Variants in ASPDH observed in about 807,000 individuals in gnomAD.
ASPDH encodes aspartate dehydrogenase domain-containing protein.
ASPDH carries 25 observed loss-of-function variants against 30.5 expected under a neutral mutation model. That is an observed-to-expected ratio of 0.82 (90% CI 0.60 to 1.14). The LOEUF (loss-of-function observed/expected upper bound fraction) is 1.14, where lower values mean the gene tolerates loss of function less well. ASPDH is among the 50% of genes most tolerant of loss of function. ASPDH has a pLI of 0.00. For missense variants in ASPDH, 401 were observed against 381.5 expected (o/e 1.05, Z -0.43); for synonymous variants, 168 against 156.3 (o/e 1.07, Z -0.56).
upstream of ASPDH, chr19:50,514,540 C>G: frequency 6.2e-7 from 1 of 1,614,056 alleles, no homozygotes; most frequent in Non-Finnish European, 8.5e-7. Context: ...GTGTGACGTT[C>G]TCGCTCCCAC....
upstream of ASPDH, chr19:50,514,567 C>G (rs76503780): frequency 2.2e-5 from 36 of 1,613,404 alleles, 1 homozygote; most frequent in East Asian, 7.8e-4. Flanking sequence ...CCCTCCCGTT[C>G]CCCAGCTCGC....
rs12977172 is a variant in ASPDH, at chr19:50,512,147, T to A, written c.797A>T (p.Gln266Leu). 8 of 1,559,040 alleles carry A rather than the reference T, an allele frequency of 5.1e-6. No individual in the cohort carries two copies. Among genetic ancestry groups the A allele is most frequent in the Non-Finnish European group, 6.0e-6 (7 of 1,158,164 alleles). ...TGSATVTAFW[Q>L]SLLACCQLPS... ...GGGCCTGGCCGCACCCAGGAGGCTCTGCCAGAAGGCCGTGACGGTGGCGGA... is the reference window on the plus strand; with the variant it reads ...GGGCCTGGCCGCACCCAGGAGGCTCAGCCAGAAGGCCGTGACGGTGGCGGA... The change falls in exon 6 of 7, where the codon CAG becomes CTG. Residue 266 changes from glutamine to leucine, a missense_variant. Coordinates refer to ENST00000389208, the MANE Select transcript of ASPDH (RefSeq NM_001114598.2).
rs2122737336 is a variant in ASPDH, at chr19:50,513,842, T to C, written c.-19A>G. ...CGGCCATGGCCCTGAGTGCGGTGTC[T>C]GGGGCCTGGCTCCCTGGGCTGCTCG... On this transcript the variant is annotated 5_prime_UTR_variant, in exon 1 of 7. Transcript: ENST00000389208. This position sits in a 1 kb window ranked among gnomAD's most constrained non-coding sequence, Gnocchi z 4.9. The C allele has an allele frequency of 1.3e-6, 2 of 1,548,748 alleles. No homozygotes were observed. Among genetic ancestry groups the C allele is most frequent in the Non-Finnish European group, 1.7e-6 (2 of 1,146,184 alleles).
In ASPDH at chr19:50,513,427, G is replaced by A. The variant is rs1276487368; in HGVS notation, c.53-11C>T. The A allele has an allele frequency of 1.1e-5, 16 of 1,473,894 alleles. No individual in the cohort carries two copies. The highest frequency in any genetic ancestry group is 1.3e-5 in the Non-Finnish European group (14 of 1,111,414). The allele number at this position is 1,473,894 out of a possible 1,614,324, so 91.3% of individuals were successfully genotyped here. A position where few individuals can be genotyped will look rare whatever the true frequency, so the allele number is the denominator to read the frequency against. Reference sequence around the variant, plus strand: ...AGACGAGGGACTGTCCTGGGGAGAGGGAAAGGAGAGGGCTAGAGATCCAGA... The same window carrying A: ...AGACGAGGGACTGTCCTGGGGAGAGAGAAAGGAGAGGGCTAGAGATCCAGA... On this transcript the variant is annotated splice_polypyrimidine_tract_variant and intron_variant, in intron 1 of 6. Transcript: ENST00000389208. The surrounding 1 kb of genome is among the most constrained non-coding windows in gnomAD (Gnocchi z 4.9).
rs1980054661 is a variant in ASPDH, at chr19:50,513,038, G to A, written c.198-27C>T. The A allele has an allele frequency of 6.3e-7, 1 of 1,580,042 alleles. No individual in the cohort carries two copies. Among genetic ancestry groups the A allele is most frequent in the Non-Finnish European group, 8.7e-7 (1 of 1,154,190 alleles). ...TGGGAGAGGGGAAAGAGGGCGGAGG[G>A]TCTTGGAGAGGTATTAGGCCTCTTC... On this transcript the variant is annotated intron_variant, in intron 2 of 6. Coordinates refer to ENST00000389208, the MANE Select transcript of ASPDH (RefSeq NM_001114598.2). This position sits in a 1 kb window ranked among gnomAD's most constrained non-coding sequence, Gnocchi z 4.9.
At position 50,512,664 on chromosome 19, in the gene ASPDH, G is replaced by A. The variant is rs776257480; in HGVS notation, c.429C>T (p.Leu143=). ...DIRRLDAAGG[L]RSLRVTMATH... ...TGGGGAGCCCAGCAGGCCTCACCCG[G>A]AGGCCCCCAGCTGCATCCAATCTCC... The change falls in exon 4 of 7, where the codon CTC becomes CTT. Residue 143 remains leucine, a synonymous_variant. Transcript: ENST00000389208. 5 of 1,537,802 alleles carry A rather than the reference G, an allele frequency of 3.3e-6. No homozygotes were observed. The highest frequency in any genetic ancestry group is 4.4e-6 in the Non-Finnish European group (5 of 1,141,506).
chr19:50,514,805 T>TGGGG, upstream of ASPDH: 4 of 311,154 alleles, frequency 1.3e-5, no homozygotes, highest in South Asian at 6.6e-5. Context: ...GAGCATGGGG[T>TGGGG]GGGGGGGGCG....
At chr19:50,513,978 T>C, upstream of ASPDH, 1 of 896,394 alleles carries the variant, frequency 1.1e-6, no homozygotes, top group Non-Finnish European at 1.7e-6. This position sits in a 1 kb window ranked among gnomAD's most constrained non-coding sequence, Gnocchi z 4.9. Context: ...GGCGTGGGCC[T>C]GCGGGAGTGG....
At position 50,512,732 on chromosome 19, in the gene ASPDH, C is replaced by T. The variant is rs1315699093; in HGVS notation, c.361G>A (p.Val121Met). ...CACAGGGCCCCTCGGGCCACAAACA[C>T]GGCGTGGTCCCAGTGCTGTGAGGCC... ...LEASQHWDHA[V>M]FVARGALWGA... The change falls in exon 4 of 7, where the codon GTG (valine) becomes ATG (methionine). Residue 121 changes from valine (V) to methionine (M), a missense_variant. Coordinates refer to ENST00000389208, the MANE Select transcript of ASPDH (RefSeq NM_001114598.2). 3 of 1,553,922 alleles carry T rather than the reference C, an allele frequency of 1.9e-6. No homozygotes were observed. The highest frequency in any genetic ancestry group is 1.4e-5 in the African/African-American group (1 of 73,272).
In ASPDH at chr19:50,513,709, G is replaced by T; in HGVS notation, c.52+63C>A. On this transcript the variant is annotated intron_variant, in intron 1 of 6. Transcript: ENST00000389208. The surrounding 1 kb of genome is among the most constrained non-coding windows in gnomAD (Gnocchi z 4.9). ...GAGAAAAAAGTGTTTGTGGAGGGCA[G>T]AGAGTCTTGGGAGCTTTAGGAAGGG... 3 of 1,260,856 alleles carry T rather than the reference G, an allele frequency of 2.4e-6. No homozygotes were observed. The highest frequency in any genetic ancestry group is 3.4e-6 in the Non-Finnish European group (3 of 887,212). The allele number at this position is 1,260,856 out of a possible 1,614,324, so 78.1% of individuals were successfully genotyped here. A position where few individuals can be genotyped will look rare whatever the true frequency, so the allele number is the denominator to read the frequency against.
chr19:50,512,064 G>T (rs1311062362), intron 6 of ASPDH, 72 bp downstream of exon 6: 5 of 1,318,764 alleles, frequency 3.8e-6, no homozygotes, highest in Non-Finnish European at 1.0e-6. Context: ...TGCAGAACTA[G>T]TGAGAGCCCG....
At position 50,513,735 on chromosome 19, in the gene ASPDH, G is replaced by T; in HGVS notation, c.52+37C>A. The stretch of plus-strand genomic sequence containing the variant: ...AGAGTCTTGGGAGCTTTAGGAAGGG[G>T]TTTGGGGAAGGAGGCCAAGGATGGT... On this transcript the variant is annotated intron_variant, in intron 1 of 6. Coordinates refer to ENST00000389208, the MANE Select transcript of ASPDH (RefSeq NM_001114598.2). The surrounding 1 kb of genome is among the most constrained non-coding windows in gnomAD (Gnocchi z 4.9). The T allele has an allele frequency of 6.9e-7, 1 of 1,455,284 alleles. No homozygotes were observed. The highest frequency in any genetic ancestry group is 9.4e-7 in the Non-Finnish European group (1 of 1,060,522). 90.1% of individuals were successfully genotyped at this position (1,455,284 alleles called of 1,614,324 possible).
upstream of ASPDH, chr19:50,514,378 G>A: frequency 3.3e-6 from 5 of 1,537,470 alleles, no homozygotes; most frequent in Non-Finnish European, 4.5e-6. Context: ...TGCCTCAGCG[G>A]GTCCAACCTC....
chr19:50,514,408 A>G (rs944452653), upstream of ASPDH: 2 of 1,604,012 alleles, frequency 1.2e-6, no homozygotes, highest in Non-Finnish European at 1.7e-6. Context: ...GCTGCGCAGC[A>G]CGGGTCCCCT....
At position 50,513,536 on chromosome 19, in the gene ASPDH, G is replaced by A; in HGVS notation, c.53-120C>T. The A allele has an allele frequency of 7.3e-6, 8 of 1,099,010 alleles. No homozygotes were observed. Among genetic ancestry groups the A allele is most frequent in the Non-Finnish European group, 1.0e-5 (8 of 782,662 alleles). The allele number at this position is 1,099,010 out of a possible 1,614,324, so 68.1% of individuals were successfully genotyped here. Reference sequence around the variant, plus strand: ...GAGGTGGGGACAGACTCAGATTGCGGGGTAGGGAGACAGAGATGGGGGCAG... The same window carrying A: ...GAGGTGGGGACAGACTCAGATTGCGAGGTAGGGAGACAGAGATGGGGGCAG... On this transcript the variant is annotated intron_variant, in intron 1 of 6. Coordinates refer to ENST00000389208, the MANE Select transcript of ASPDH (RefSeq NM_001114598.2). The surrounding 1 kb of genome is among the most constrained non-coding windows in gnomAD (Gnocchi z 4.9).
chr19:50,513,818 G>C lies in ASPDH; in HGVS notation c.6C>G (p.Ala2=). ...CGCCCACCCTCCACGGGCCCCTGTC[G>C]GCCATGGCCCTGAGTGCGGTGTCTG... M[A]DRGPWRVGVV... The change falls in exon 1 of 7, where the codon GCC becomes GCG. Residue 2 remains alanine (A), a synonymous_variant. Transcript: ENST00000389208. This position sits in a 1 kb window ranked among gnomAD's most constrained non-coding sequence, Gnocchi z 4.9. 1 of 1,550,532 alleles carries C rather than the reference G, an allele frequency of 6.4e-7. No individual in the cohort carries two copies. The highest frequency in any genetic ancestry group is 8.7e-7 in the Non-Finnish European group (1 of 1,146,770).
At position 50,513,831 on chromosome 19, in the gene ASPDH, AGTGCG is replaced by A. The variant is rs1385829228; in HGVS notation, c.-13_-9del. 6.5e-7 allele frequency: 1 copy of A among 1,549,858 alleles called. No homozygotes were observed. ...CGGGCCCCTGTCGGCCATGGCCCTG[AGTGCG>A]GTGTCTGGGGCCTGGCTCCCTGGGC... On this transcript the variant is annotated 5_prime_UTR_variant, in exon 1 of 7. Coordinates refer to ENST00000389208, the MANE Select transcript of ASPDH (RefSeq NM_001114598.2). This position sits in a 1 kb window ranked among gnomAD's most constrained non-coding sequence, Gnocchi z 4.9.
rs1246790323 is a variant in ASPDH, at chr19:50,512,142, G to A, written c.802C>T (p.Leu268Phe). The stretch of plus-strand genomic sequence containing the variant: ...GAGAGGGGCCTGGCCGCACCCAGGA[G>A]GCTCTGCCAGAAGGCCGTGACGGTG... ...SATVTAFWQSLLACCQLPSRP... is the reference protein window; with the variant it reads ...SATVTAFWQSFLACCQLPSRP... Residue 268 changes from leucine (L) to phenylalanine (F), a missense_variant, in exon 6 of 7, where the codon CTC becomes TTC. Transcript: ENST00000389208. The A allele has an allele frequency of 6.4e-7, 1 of 1,555,502 alleles. No homozygotes were observed. Among genetic ancestry groups the A allele is most frequent in the African/African-American group, 1.4e-5 (1 of 73,806 alleles).
At position 50,513,854 on chromosome 19, in the gene ASPDH, C is replaced by A; in HGVS notation, c.-31G>T. On this transcript the variant is annotated 5_prime_UTR_variant, in exon 1 of 7. The change creates a premature stop within an existing upstream ORF in the 5' untranslated region. Coordinates refer to ENST00000389208, the MANE Select transcript of ASPDH (RefSeq NM_001114598.2). The surrounding 1 kb of genome is among the most constrained non-coding windows in gnomAD (Gnocchi z 4.9). ...TGAGTGCGGTGTCTGGGGCCTGGCT[C>A]CCTGGGCTGCTCGCTGCCCGCTGCA... is the stretch of plus-strand genomic sequence containing the variant. 6.5e-7 allele frequency: 1 copy of A among 1,545,862 alleles called. No individual in the cohort carries two copies. Among genetic ancestry groups the A allele is most frequent in the Non-Finnish European group, 8.7e-7 (1 of 1,144,840 alleles).
Sources: gnomAD v4.1 joint callset for allele counts on GRCh38, gnomAD v4.1.1 for gene constraint, Gnocchi (gnomAD v3.1) non-coding constraint, MANE v1.5 for transcripts, NCBI Gene and HGNC (gene_info 2026-07-23, HGNC 2026-07-21) for gene names.